Variants in NUDC observed in about 807,000 individuals in gnomAD.
The protein encoded by NUDC is nuclear migration protein nudC.
NUDC carries 14 observed loss-of-function variants against 45.0 expected under a neutral mutation model. The ratio of observed to expected loss-of-function variants is 0.31; its 90% CI spans 0.21 to 0.49. NUDC has a LOEUF of 0.49. NUDC is among the 20% of genes least tolerant of loss of function. The pLI, the probability that NUDC is intolerant of heterozygous loss-of-function variation, is 0.99. For missense variants in NUDC, 323 were observed against 426.2 expected (o/e 0.76, Z 2.13); for synonymous variants, 153 against 156.7 (o/e 0.98, Z 0.17).
At position 26,910,819 on chromosome 1, in the gene NUDC, A is replaced by G. The variant is rs1231478025; in HGVS notation, c.-15-309A>G. ...AAGTCATATTCTGAATGGAGCAGTC[A>G]GGGAGGTCATGGCTATGCCAAGAGT... is the stretch of plus-strand genomic sequence containing the variant. On this transcript the variant is annotated intron_variant, in intron 2 of 6. Transcript: ENST00000435827. 3.9e-5 allele frequency among the ~76,000 whole-genome samples: 6 copies of G among 152,256 alleles called. 1 individual carries two copies. The highest frequency in any genetic ancestry group is 1.4e-4 in the African/African-American group (6 of 41,476).
chr1:26,935,413 C>T (rs1428922234), intron 2 of NUDC, among the ~76,000 whole-genome samples: 1 of 152,104 alleles, frequency 6.6e-6, no homozygotes, highest in Non-Finnish European at 1.5e-5. Flanking sequence ...TTCTGCATGG[C>T]TGAGGAAGCC....
chr1:26,922,234 A>G lies in NUDC; in HGVS notation c.81+305A>G, dbSNP rs183453742. The G allele has an allele frequency of 3.2e-3, 1,549 of 490,484 alleles. 1 individual carries two copies. Among genetic ancestry groups the G allele is most frequent in the Middle Eastern group, 0.01 (18 of 1,778 alleles). The allele number at this position is 490,484 out of a possible 1,614,324, so 30.4% of individuals were successfully genotyped here. A position where few individuals can be genotyped will look rare whatever the true frequency, so the allele number is the denominator to read the frequency against. The stretch of plus-strand genomic sequence containing the variant: ...ACTTTGATGGCGGCTTCCAAGGAGC[A>G]TCCCTTAGTAAGAACCGTCGCAAAT... On this transcript the variant is annotated intron_variant, in intron 1 of 8. Transcript: ENST00000321265.
chr1:26,910,307 T>C lies in NUDC; in HGVS notation c.-15-821T>C, dbSNP rs371030585. On this transcript the variant is annotated intron_variant, in intron 2 of 6. Transcript: ENST00000435827. The stretch of plus-strand genomic sequence containing the variant: ...CCTGAGTTGTACATCTTAGTATGTG[T>C]GTGTTGGGGGGTGTCCAAGTTGTGT... Among the ~76,000 whole-genome samples the C allele has an allele frequency of 2.3e-3, 348 of 152,232 alleles. 12 individuals are homozygous for C. The South Asian group carries it at 0.07, about 31-fold the overall frequency.
chr1:26,905,503 G>A (rs1007626732), intron 2 of NUDC, among the ~76,000 whole-genome samples: 1 of 152,100 alleles, frequency 6.6e-6, no homozygotes, highest in Admixed American at 6.6e-5. Flanking sequence ...GAAGTCACAG[G>A]ACAAGGGACA....
chr1:26,901,749 C>A, intron 1 of NUDC, among the ~76,000 whole-genome samples: 1 of 152,050 alleles, frequency 6.6e-6, no homozygotes, highest in East Asian at 1.9e-4. Context: ...ACTATTGATT[C>A]ATTGATTCAT....
intron 2 of NUDC, among the ~76,000 whole-genome samples, chr1:26,934,788 G>A (rs1217687891): frequency 6.7e-6 from 1 of 148,742 alleles, no homozygotes; most frequent in African/African-American, 2.5e-5. Flanking sequence ...GCCTCCAGTA[G>A]CTGGGACTAC....
chr1:26,930,163 C>G (rs779324955), intron 2 of NUDC, among the ~76,000 whole-genome samples: 4 of 152,094 alleles, frequency 2.6e-5, no homozygotes, highest in Admixed American at 1.3e-4. Flanking sequence ...TGCTCTCTTA[C>G]TATTGTGTTT....
At chr1:26,946,006 C>T in intron 8 of NUDC, 124 bp from the exon 9 acceptor site, 1 of 953,246 alleles carries the variant, frequency 1.0e-6, no homozygotes, top group South Asian at 1.3e-5. Flanking sequence ...GGGCCCTGCT[C>T]CTGCCCAGCC....
rs1380077033 is a variant in NUDC, at chr1:26,924,176, G to A, written c.159+10G>A. On this transcript the variant is annotated intron_variant, in intron 2 of 8. Coordinates refer to ENST00000321265, the MANE Select transcript of NUDC (RefSeq NM_006600.4). ...AGGGATGGCAGAGAAGGTAAGTGTTGGAAACCACTGTCCTTTGGGCGGCTC... is the reference window on the plus strand; with the variant it reads ...AGGGATGGCAGAGAAGGTAAGTGTTAGAAACCACTGTCCTTTGGGCGGCTC... 1 of 1,612,606 alleles carries A rather than the reference G, an allele frequency of 6.2e-7. No homozygotes were observed. Among genetic ancestry groups the A allele is most frequent in the Non-Finnish European group, 8.5e-7 (1 of 1,178,658 alleles).
upstream of NUDC, among the ~76,000 whole-genome samples, chr1:26,917,297 C>T (rs1451740279): frequency 2.0e-5 from 3 of 149,672 alleles, no homozygotes; most frequent in African/African-American, 7.4e-5. Context: ...TGTGGGGGTT[C>T]ACACCTGTAA....
chr1:26,941,925 CCTCCT>C (rs1570745157), intron 4 of NUDC, 107 bp downstream of exon 4: 1 of 1,047,476 alleles, frequency 9.5e-7, no homozygotes, highest in African/African-American at 1.6e-5. Flanking sequence ...TATCCCCTCC[CCTCCT>C]GGCTTTGGGA....
rs555950943 is a variant in NUDC at position 26,924,814 on chromosome 1, G to A, written c.159+648G>A. Among the ~76,000 whole-genome samples, 350 of 152,018 alleles carry A rather than the reference G, an allele frequency of 2.3e-3. 3 individuals carry two copies. The highest frequency in any genetic ancestry group is 8.3e-3 in the African/African-American group (345 of 41,478). On this transcript the variant is annotated intron_variant, in intron 2 of 8. Coordinates refer to ENST00000321265, the MANE Select transcript of NUDC (RefSeq NM_006600.4). ...GATCCACCCGCCTCGGCCTCCCAAA[G>A]TGCTGGGATTACAGGTATAAGCCAC...
Position 26,942,954 on chromosome 1 carries a change from G to A in NUDC, c.630G>A (p.Gly210=). 6.2e-7 allele frequency: 1 copy of A among 1,614,118 alleles called. No homozygotes were observed. The highest frequency in any genetic ancestry group is 8.5e-7 in the Non-Finnish European group (1 of 1,180,022). ...VDIQRRHLRV[G]LKGQPAIIDG... is the part of the protein sequence containing the mutation. ...TCCAGCGGCGGCACCTCCGGGTGGG[G>A]CTCAAGGGGCAGCCAGCGATCATTG... The change falls in exon 6 of 9, where the codon GGG becomes GGA. Residue 210 remains glycine, a synonymous_variant. Coordinates refer to ENST00000321265, the MANE Select transcript of NUDC (RefSeq NM_006600.4).
intron 2 of NUDC, among the ~76,000 whole-genome samples, chr1:26,905,324 C>T (rs1309168050): frequency 6.6e-6 from 1 of 151,354 alleles, no homozygotes. Context: ...ACACGCCTGG[C>T]TAATTTTTGT....
chr1:26,937,355 C>T (rs1557678966), intron 2 of NUDC, among the ~76,000 whole-genome samples: 1 of 152,122 alleles, frequency 6.6e-6, no homozygotes, highest in Admixed American at 6.6e-5. Context: ...CTTCAGTTCA[C>T]AGCAACCTCC....
At chr1:26,914,491 G>C (rs552260219) in intron 3 of NUDC, among the ~76,000 whole-genome samples, 1 of 152,252 alleles carries the variant, frequency 6.6e-6, no homozygotes, top group Non-Finnish European at 1.5e-5. Flanking sequence ...ACAGGGAAGG[G>C]AGCCAGGACC....
chr1:26,905,150 TA>T (rs1306901774), intron 2 of NUDC, among the ~76,000 whole-genome samples: 37 of 131,802 alleles, frequency 2.8e-4, no homozygotes, highest in Middle Eastern at 7.5e-3. Flanking sequence ...TTATTATTAT[TA>T]TTATTATTTT....
chr1:26,917,302 C>G (rs549030031), upstream of NUDC, among the ~76,000 whole-genome samples: 1 of 149,954 alleles, frequency 6.7e-6, no homozygotes, highest in South Asian at 2.1e-4. Context: ...GGGTTCACAC[C>G]TGTAATCCCA....
At chr1:26,900,260 A>G (rs1242741813) in exon 1 of NUDC, 1 of 1,613,984 alleles carries the variant, frequency 6.2e-7, no homozygotes, top group Admixed American at 1.7e-5. Flanking sequence ...CAGAGTTAGG[A>G]GCGGCCTGCG....
Sources: gnomAD v4.1 joint callset for allele counts (sites outside exome capture counted in the v4.1 genomes callset) on GRCh38, gnomAD v4.1.1 for gene constraint, MANE v1.5 for transcripts, NCBI Gene and HGNC (gene_info 2026-07-23, HGNC 2026-07-21) for gene names.